Variants in NRK observed in about 807,000 individuals in gnomAD.
The protein encoded by NRK is Nik related kinase, also known as nik-related protein kinase.
Under a neutral mutation model 125.2 loss-of-function variants are expected in NRK, and 67 were observed. The observed-to-expected ratio is 0.54, with a 90% CI of 0.44 to 0.66. The LOEUF (loss-of-function observed/expected upper bound fraction) is 0.66, where lower values mean the gene tolerates loss of function less well. NRK is among the 30% of genes least tolerant of loss of function. The pLI is 0.00. For missense variants in NRK, 1,224 were observed against 1,192.9 expected, an observed-to-expected ratio of 1.03 and a Z score of -0.38; for synonymous variants, 458 against 429.0, an observed-to-expected ratio of 1.07 and a Z score of -0.84.
chrX:105,941,835 G>A (rs773539121), intron 23 of NRK, among the ~76,000 whole-genome samples: 1 of 111,065 alleles, frequency 9.0e-6, no homozygotes, highest in South Asian at 3.9e-4. Context: ...ATAGAGTTAT[G>A]TGACAATCGC....
intron 2 of NRK, among the ~76,000 whole-genome samples, chrX:105,867,928 T>C (rs2039693065): frequency 8.9e-6 from 1 of 111,886 alleles, no homozygotes; most frequent in Admixed American, 9.5e-5. Context: ...AAATCTTAAA[T>C]ATCATTCTAA....
At chrX:105,843,883 C>G (rs952320234) in intron 2 of NRK, among the ~76,000 whole-genome samples, 3 of 109,673 alleles carry the variant, frequency 2.7e-5, no homozygotes, top group Non-Finnish European at 5.7e-5. Context: ...TTTTTAACTA[C>G]CTTACATTTT....
chrX:105,928,953 T>A (rs755860695), intron 19 of NRK, among the ~76,000 whole-genome samples: 6 of 111,949 alleles, frequency 5.4e-5, no homozygotes, highest in Non-Finnish European at 9.4e-5. Flanking sequence ...TAATGCATAT[T>A]CTGCAGCTGT....
chrX:105,947,609 G>T (rs2040833700), intron 26 of NRK, among the ~76,000 whole-genome samples: 1 of 111,345 alleles, frequency 9.0e-6, no homozygotes, highest in East Asian at 2.8e-4. Context: ...TTTGATGTTG[G>T]CAATGATGTT....
chrX:105,899,612 T>A (rs949604699), intron 8 of NRK, among the ~76,000 whole-genome samples: 5 of 111,959 alleles, frequency 4.5e-5, no homozygotes, highest in Non-Finnish European at 1.9e-5. Context: ...GACTTTCACC[T>A]GTATTCGTTA....
At chrX:105,932,218 T>C (rs2040604679) in intron 19 of NRK, among the ~76,000 whole-genome samples, 1 of 112,195 alleles carries the variant, frequency 8.9e-6, no homozygotes, top group Admixed American at 9.5e-5. Context: ...ATTTTGTTTA[T>C]CCATTTATCT....
chrX:105,847,645 G>A (rs1007448610), intron 2 of NRK, among the ~76,000 whole-genome samples: 7 of 112,078 alleles, frequency 6.2e-5, no homozygotes, highest in Non-Finnish European at 1.1e-4. Context: ...AAGACTAATC[G>A]CTTTGACAAG....
At chrX:105,922,560 A>G (rs141920924) in intron 17 of NRK, among the ~76,000 whole-genome samples, 6 of 112,015 alleles carry the variant, frequency 5.4e-5, no homozygotes, top group Non-Finnish European at 9.4e-5. Context: ...AGATTATTCT[A>G]TTTCAATTTT....
chrX:105,935,100 A>G (rs975828206), intron 20 of NRK, 70 bp from the exon 21 acceptor site: 30 of 921,845 alleles, frequency 3.3e-5, no homozygotes, highest in Middle Eastern at 5.5e-4. Context: ...TCTTTAAAAA[A>G]AAATTCTGTA....
chrX:105,835,789 A>G (rs1221518751), intron 2 of NRK, among the ~76,000 whole-genome samples: 1 of 109,870 alleles, frequency 9.1e-6, no homozygotes, highest in Non-Finnish European at 1.9e-5. Flanking sequence ...GTGGCTTCTC[A>G]TCTCCATCAG....
chrX:105,922,131 T>C (rs1436997644), intron 17 of NRK, 70 bp downstream of exon 17: 2 of 498,343 alleles, frequency 4.0e-6, no homozygotes, highest in Admixed American at 3.1e-5. Context: ...TTACACATTC[T>C]CATATTCACT....
chrX:105,850,771 A>G (rs938469027), intron 2 of NRK, among the ~76,000 whole-genome samples: 3 of 111,948 alleles, frequency 2.7e-5, no homozygotes, highest in African/African-American at 9.7e-5. Flanking sequence ...TCTATCTGAG[A>G]CCACCTCAGC....
intron 2 of NRK, among the ~76,000 whole-genome samples, chrX:105,834,619 C>G (rs1379058714): frequency 9.0e-6 from 1 of 110,751 alleles, no homozygotes; most frequent in Non-Finnish European, 1.9e-5. Context: ...TTGCTTTCTT[C>G]TTCTTTTGGA....
chrX:105,826,276 A>T (rs1453371328), intron 1 of NRK, among the ~76,000 whole-genome samples: 1 of 66,961 alleles, frequency 1.5e-5, no homozygotes, highest in Non-Finnish European at 2.4e-5. Context: ...TATATAATAT[A>T]TATGAAATAT....
intron 2 of NRK, among the ~76,000 whole-genome samples, chrX:105,849,809 G>A (rs1465907413): frequency 6.2e-5 from 7 of 112,073 alleles, no homozygotes; most frequent in Admixed American, 4.7e-4. Flanking sequence ...GGGCAGCTCC[G>A]CCCCTGTGGC....
Position 105,846,034 on chromosome X carries a change from A to G in NRK, c.123+14915A>G, listed in dbSNP as rs378212. The stretch of plus-strand genomic sequence containing the variant: ...CTCTGGGTTTATTTTTTCCTACTCC[A>G]TAAGGGAAAGGGCTCAGGGCTGGTG... On this transcript the variant is annotated intron_variant, in intron 2 of 28. Transcript: ENST00000243300. Among the ~76,000 whole-genome samples the G allele has an allele frequency of 3.4e-3, 374 of 111,449 alleles. 1 individual carries two copies. The highest frequency in any genetic ancestry group is 0.011 in the African/African-American group (347 of 30,711).
At chrX:105,831,564 C>T (rs766639628) in intron 2 of NRK, among the ~76,000 whole-genome samples, 38 of 111,959 alleles carry the variant, frequency 3.4e-4, no homozygotes, top group African/African-American at 1.2e-3. Flanking sequence ...AAGAATCTAA[C>T]AAGAAAAAAT....
At chrX:105,941,993 T>A (rs1177807824) in intron 23 of NRK, among the ~76,000 whole-genome samples, 1 of 111,459 alleles carries the variant, frequency 9.0e-6, no homozygotes, top group Admixed American at 9.5e-5. Context: ...ACTTTCTTTC[T>A]CTATTGATTT....
intron 15 of NRK, among the ~76,000 whole-genome samples, chrX:105,916,077 C>T (rs1489836377): frequency 3.6e-5 from 4 of 110,811 alleles, no homozygotes; most frequent in Non-Finnish European, 7.6e-5. Flanking sequence ...AATACTTTGA[C>T]AGTATTCAAT....
Sources: allele counts gnomAD v4.1 joint callset (sites outside exome capture counted in the v4.1 genomes callset), GRCh38; gene constraint gnomAD v4.1.1; transcripts MANE v1.5; gene names NCBI Gene and HGNC (gene_info 2026-07-23, HGNC 2026-07-21).